TENM3: variants seen among roughly 807,000 people sequenced by gnomAD.
TENM3 encodes the protein teneurin-3.
In TENM3, 63 loss-of-function variants were observed where a neutral mutation model predicts 255.1. The observed-to-expected ratio is 0.25, with a 90% CI of 0.20 to 0.30. The LOEUF is 0.30. TENM3 is among the 10% of genes least tolerant of loss of function. TENM3 has a pLI of 1.00. For missense variants in TENM3, 2,929 were observed against 3,461.1 expected (o/e 0.85, Z 3.86); for synonymous variants, 1,306 against 1,322.3 (o/e 0.99, Z 0.27).
chr4:182,241,487 A>T (rs1579856148), upstream of TENM3, among the ~76,000 whole-genome samples: 1 of 137,378 alleles, frequency 7.3e-6, no homozygotes, highest in African/African-American at 2.8e-5. Flanking sequence ...TCCTATCTTC[A>T]GTCGCTTCCT....
chr4:182,784,728 C>T (rs954767731), intron 24 of TENM3, among the ~76,000 whole-genome samples: 3 of 151,634 alleles, frequency 2.0e-5, no homozygotes, highest in African/African-American at 7.3e-5. Flanking sequence ...TAGGACCCTC[C>T]CAGCCAGGTG....
At chr4:181,827,584 T>C in the TENM3 span, among the ~76,000 whole-genome samples, 1 of 152,214 alleles carries the variant, frequency 6.6e-6, no homozygotes, top group Non-Finnish European at 1.5e-5. Flanking sequence ...TCAAGCAATG[T>C]CTTCTGAAGC....
chr4:182,753,641 C>T (rs1276721355), intron 21 of TENM3, 37 bp downstream of exon 21: 3 of 1,602,766 alleles, frequency 1.9e-6, no homozygotes, highest in Admixed American at 1.7e-5. Context: ...TGTTTTTCCT[C>T]TAGGTGACTT....
chr4:182,061,937 A>G, the TENM3 span, among the ~76,000 whole-genome samples: 1 of 152,330 alleles, frequency 6.6e-6, no homozygotes, highest in Admixed American at 6.5e-5. Flanking sequence ...AGCCTGGGTG[A>G]CAGAGCTGGA....
At chr4:182,122,628 G>C in the TENM3 span, among the ~76,000 whole-genome samples, 1 of 152,144 alleles carries the variant, frequency 6.6e-6, no homozygotes, top group Non-Finnish European at 1.5e-5. Context: ...CAGATGTGCT[G>C]TCATCCAGGT....
At chr4:182,407,003 CT>C (rs1769628228) in intron 3 of TENM3, among the ~76,000 whole-genome samples, 1 of 152,164 alleles carries the variant, frequency 6.6e-6, no homozygotes, top group African/African-American at 2.4e-5. Context: ...ATGCTGTTTG[CT>C]CTCATTCCCT....
At chr4:182,582,599 T>A (rs568434045) in intron 3 of TENM3, among the ~76,000 whole-genome samples, 1 of 150,412 alleles carries the variant, frequency 6.6e-6, no homozygotes, top group Admixed American at 6.7e-5. Context: ...AAATTACTTA[T>A]AACCAACAAA....
At chr4:182,788,997 G>A (rs1293701238) in intron 24 of TENM3, 96 bp from the exon 25 acceptor site, 8 of 1,123,546 alleles carry the variant, frequency 7.1e-6, no homozygotes, top group Non-Finnish European at 9.9e-6. Flanking sequence ...TACTGACAAA[G>A]AGAATCAATC....
chr4:182,005,972 A>C, the TENM3 span, among the ~76,000 whole-genome samples: 1 of 152,146 alleles, frequency 6.6e-6, no homozygotes, highest in Non-Finnish European at 1.5e-5. Context: ...TTGGGCTGAG[A>C]CAATGGGGTT....
chr4:181,870,281 T>G, the TENM3 span, among the ~76,000 whole-genome samples: 1 of 152,160 alleles, frequency 6.6e-6, no homozygotes, highest in South Asian at 2.1e-4. Context: ...TTCAAGCTAT[T>G]ATGAACGTTG....
chr4:182,101,996 T>G, the TENM3 span, among the ~76,000 whole-genome samples: 1 of 152,200 alleles, frequency 6.6e-6, no homozygotes, highest in Non-Finnish European at 1.5e-5. Context: ...GAGGGAGTGC[T>G]CGCTCTCAGA....
chr4:181,640,072 A>C, the TENM3 span, among the ~76,000 whole-genome samples: 1 of 152,232 alleles, frequency 6.6e-6, no homozygotes, highest in African/African-American at 2.4e-5. Flanking sequence ...ACTCACCAAA[A>C]GGAGAAGCTG....
At chr4:182,772,303 G>A (rs1402129748) in intron 22 of TENM3, among the ~76,000 whole-genome samples, 3 of 151,986 alleles carry the variant, frequency 2.0e-5, no homozygotes, top group Non-Finnish European at 4.4e-5. Flanking sequence ...CTCCTGTGTG[G>A]CCCCGTGTTT....
At chr4:181,609,404 C>T in the TENM3 span, among the ~76,000 whole-genome samples, 2 of 152,002 alleles carry the variant, frequency 1.3e-5, no homozygotes, top group African/African-American at 4.8e-5. Context: ...TAATATACTG[C>T]CTAGAATATA....
chr4:182,702,989 G>C (rs1758008110), intron 12 of TENM3, among the ~76,000 whole-genome samples: 2 of 152,154 alleles, frequency 1.3e-5, no homozygotes, highest in Admixed American at 1.3e-4. Context: ...GCCCGCCTCA[G>C]CCTCCCAAAG....
At chr4:182,208,766 G>A (rs964307529) in intron 1 of TENM3, among the ~76,000 whole-genome samples, 4 of 152,140 alleles carry the variant, frequency 2.6e-5, no homozygotes, top group African/African-American at 9.7e-5. Context: ...TCATGTCACT[G>A]CGGTGGCCTC....
chr4:181,914,953 A>C, the TENM3 span, among the ~76,000 whole-genome samples: 73 of 152,290 alleles, frequency 4.8e-4, no homozygotes, highest in Middle Eastern at 3.4e-3. Context: ...TGACCTGTCC[A>C]TTTACAGATG....
the TENM3 span, among the ~76,000 whole-genome samples, chr4:181,812,757 G>A: frequency 2.6e-5 from 4 of 152,178 alleles, no homozygotes; most frequent in Non-Finnish European, 5.9e-5. Context: ...GCATGGCTCA[G>A]AATTTCAGGG....
intron 1 of TENM3, among the ~76,000 whole-genome samples, chr4:182,230,483 C>T (rs1561221177): frequency 6.6e-6 from 1 of 152,044 alleles, no homozygotes; most frequent in African/African-American, 2.4e-5. Context: ...TGTTGGAATA[C>T]GTACTGTGTT....
Sources: allele counts gnomAD v4.1 joint callset (sites outside exome capture counted in the v4.1 genomes callset), GRCh38; gene constraint gnomAD v4.1.1; transcripts MANE v1.5; gene names NCBI Gene and HGNC (gene_info 2026-07-23, HGNC 2026-07-21).